The following PECR variants were observed in gnomAD, a reference collection of about 807,000 sequenced individuals.
PECR encodes peroxisomal trans-2-enoyl-CoA reductase, also known as 2,4-dienoyl-CoA reductase-related protein.
Under a neutral mutation model 35.3 loss-of-function variants are expected in PECR, and 30 were observed. The ratio of observed to expected loss-of-function variants is 0.85; its 90% CI spans 0.64 to 1.15. The LOEUF (loss-of-function observed/expected upper bound fraction) is 1.15. Among genes scored for constraint, PECR ranks in the 50% most tolerant of loss-of-function variants. The pLI is 0.00. For synonymous variants in PECR, 148 were observed against 138.9 expected, an observed-to-expected ratio of 1.07 and a Z score of -0.46; for missense variants, 392 against 370.8, an observed-to-expected ratio of 1.06 and a Z score of -0.47.
intron 7 of PECR, among the ~76,000 whole-genome samples, chr2:216,031,522 A>AGT (rs1694698951): frequency 6.7e-6 from 1 of 150,088 alleles, no homozygotes; most frequent in Non-Finnish European, 1.5e-5. Context: ...GAAGGAAGGG[A>AGT]AAAGAAAAGA....
At chr2:216,080,953 C>G (rs1214908669) in intron 1 of PECR, among the ~76,000 whole-genome samples, 1 of 152,154 alleles carries the variant, frequency 6.6e-6, no homozygotes, top group East Asian at 1.9e-4. Flanking sequence ...CCCAGGTGTT[C>G]GAGACCAGCG....
At chr2:216,030,089 G>A (rs1392552775) in intron 7 of PECR, among the ~76,000 whole-genome samples, 1 of 152,040 alleles carries the variant, frequency 6.6e-6, no homozygotes, top group South Asian at 2.1e-4. Flanking sequence ...CAGGTTAAAA[G>A]GTTATAAAGA....
At chr2:216,073,120 A>C (rs1047212014) in intron 1 of PECR, among the ~76,000 whole-genome samples, 4 of 152,222 alleles carry the variant, frequency 2.6e-5, no homozygotes, top group African/African-American at 9.6e-5. Flanking sequence ...AGCCTTGCCT[A>C]ACTTTAAAAT....
chr2:216,073,963 G>A (rs1002002587), intron 1 of PECR, among the ~76,000 whole-genome samples: 7 of 152,270 alleles, frequency 4.6e-5, no homozygotes, highest in South Asian at 2.1e-4. Flanking sequence ...CCAACACTCA[G>A]TTAGGTTTCT....
intron 4 of PECR, among the ~76,000 whole-genome samples, chr2:216,056,932 G>T (rs543794161): frequency 6.6e-6 from 1 of 152,006 alleles, no homozygotes; most frequent in Admixed American, 6.6e-5. Context: ...ACAAAAGCAA[G>T]AAGTATCTGA....
At chr2:216,061,060 G>A (rs1695335354) in intron 3 of PECR, among the ~76,000 whole-genome samples, 1 of 150,174 alleles carries the variant, frequency 6.7e-6, no homozygotes, top group Non-Finnish European at 1.5e-5. Flanking sequence ...GAGAGGCAGA[G>A]GCGGATGGAT....
At chr2:216,045,041 C>A (rs1056645074) in intron 6 of PECR, among the ~76,000 whole-genome samples, 6 of 152,168 alleles carry the variant, frequency 3.9e-5, no homozygotes, top group Non-Finnish European at 7.4e-5. Flanking sequence ...TAGGGTGAGG[C>A]AAATAAGGTG....
intron 7 of PECR, among the ~76,000 whole-genome samples, chr2:216,031,905 T>C (rs1421331220): frequency 6.6e-6 from 1 of 152,204 alleles, no homozygotes; most frequent in Admixed American, 6.6e-5. Context: ...TAAACTCTAA[T>C]TGAACCTCTC....
chr2:216,052,207 T>C (rs1391493065), intron 4 of PECR, among the ~76,000 whole-genome samples: 1 of 151,928 alleles, frequency 6.6e-6, no homozygotes, highest in African/African-American at 2.4e-5. Context: ...AAGTATGGGG[T>C]CTTGTGTAGA....
At position 216,050,346 on chromosome 2, in the gene PECR, T is replaced by G. The variant is rs562878391; in HGVS notation, c.604-973A>C. 4.6e-5 allele frequency among the ~76,000 whole-genome samples: 7 copies of G among 152,332 alleles called. No individual in the cohort carries two copies. The East Asian group carries it at 9.6e-4, about 21-fold the overall frequency. On this transcript the variant is annotated intron_variant, in intron 5 of 7. Coordinates refer to ENST00000265322, the MANE Select transcript of PECR (RefSeq NM_018441.6). ...ATAAAATTAGAAAATGTGGCAGTTT[T>G]AATAACTTCAAATGATACTGATACT...
At position 216,029,772 on chromosome 2, in the gene PECR, C is replaced by T. The variant is rs77775323; in HGVS notation, c.*440+9419G>A. Reference sequence around the variant, plus strand: ...TTTCCCTTCAGGCAAAGTTGCACAGCAAATCAAAGTTTTAGATTTGTTTTT... The same window carrying T: ...TTTCCCTTCAGGCAAAGTTGCACAGTAAATCAAAGTTTTAGATTTGTTTTT... On this transcript the variant is annotated intron_variant and NMD_transcript_variant, in intron 7 of 7. Transcript: ENST00000442122. 3.7e-3 allele frequency among the ~76,000 whole-genome samples: 565 copies of T among 152,310 alleles called. 2 individuals carry two copies. Among genetic ancestry groups the T allele is most frequent in the Middle Eastern group, 0.014 (4 of 294 alleles).
chr2:216,061,311 C>CAAAAAAAAAAA (rs56791924), intron 3 of PECR, among the ~76,000 whole-genome samples: 1 of 44,954 alleles, frequency 2.2e-5, no homozygotes, highest in East Asian at 8.2e-4. Context: ...AACCCTGTCT[C>CAAAAAAAAAAA]AAAAAAAAAA....
chr2:216,060,543 T>C (rs1012122624), intron 3 of PECR, among the ~76,000 whole-genome samples: 1 of 152,138 alleles, frequency 6.6e-6, no homozygotes, highest in Non-Finnish European at 1.5e-5. Context: ...GTGCCTATAG[T>C]AGCAGCTGCT....
chr2:216,070,306 C>A (rs1251937519), intron 1 of PECR, among the ~76,000 whole-genome samples: 1 of 152,126 alleles, frequency 6.6e-6, no homozygotes, highest in Admixed American at 6.5e-5. Context: ...GAGCTAAGAA[C>A]CACTTTGAGC....
chr2:216,037,413 G>A (rs1214954508), downstream of PECR, among the ~76,000 whole-genome samples: 2 of 152,210 alleles, frequency 1.3e-5, no homozygotes, highest in African/African-American at 4.8e-5. Context: ...CAGGTCATGT[G>A]AAAGCAAGCC....
At chr2:216,051,281 CAAAAAAA>C (rs147574036) in intron 5 of PECR, among the ~76,000 whole-genome samples, 161 bp downstream of exon 5, 1 of 93,168 alleles carries the variant, frequency 1.1e-5, no homozygotes, top group Non-Finnish European at 2.0e-5. Context: ...GACTCCATCT[CAAAAAAA>C]AAAAAAAAAA....
At chr2:216,039,534 C>T (rs892922439) in intron 7 of PECR, among the ~76,000 whole-genome samples, 174 bp from the exon 8 acceptor site, 3 of 152,346 alleles carry the variant, frequency 2.0e-5, no homozygotes, top group African/African-American at 7.2e-5. Flanking sequence ...GTCTGCCACA[C>T]GTTAGCTTTC....
At chr2:216,070,109 G>T (rs988263175) in intron 1 of PECR, among the ~76,000 whole-genome samples, 2 of 152,102 alleles carry the variant, frequency 1.3e-5, no homozygotes, top group Admixed American at 6.5e-5. Context: ...AGCACTAATC[G>T]AATGACTCGA....
At chr2:216,048,730 G>A (rs10187038) in intron 6 of PECR, among the ~76,000 whole-genome samples, 27,316 of 150,302 alleles carry the variant, frequency 0.18, 3,265 homozygotes, top group Non-Finnish European at 0.26. Flanking sequence ...CTTCATCATC[G>A]TCATCATCAT....
Sources: allele counts gnomAD v4.1 joint callset (sites outside exome capture counted in the v4.1 genomes callset), GRCh38; gene constraint gnomAD v4.1.1; transcripts MANE v1.5; gene names NCBI Gene and HGNC (gene_info 2026-07-23, HGNC 2026-07-21).